The following GSE1 variants were observed in gnomAD, a reference collection of about 807,000 sequenced individuals.
GSE1 encodes Gse1 coiled-coil protein, also known as genetic suppressor element 1.
Under a neutral mutation model 112.6 loss-of-function variants are expected in GSE1, and 32 were observed. The ratio of observed to expected loss-of-function variants is 0.28; its 90% CI spans 0.21 to 0.38. The LOEUF is 0.38. GSE1 is among the 10% of genes least tolerant of loss of function. The probability of loss-of-function intolerance (pLI) is 1.00; values close to 1 mark genes in which losing one functional copy is unlikely to be tolerated. For synonymous variants in GSE1, 1,115 were observed against 735.6 expected, an observed-to-expected ratio of 1.52 and a Z score of -8.35; for missense variants, 2,348 against 1,699.2, an observed-to-expected ratio of 1.38 and a Z score of -6.71.
At chr16:85,356,718 T>G (rs12927289) in intron 1 of GSE1, among the ~76,000 whole-genome samples, 1 of 152,146 alleles carries the variant, frequency 6.6e-6, no homozygotes, top group Admixed American at 6.5e-5. Flanking sequence ...TCTGGAACTC[T>G]TAGGCTCAAG....
intron 1 of GSE1, among the ~76,000 whole-genome samples, chr16:85,192,812 A>C (rs1287650174): frequency 6.6e-6 from 1 of 152,112 alleles, no homozygotes; most frequent in East Asian, 1.9e-4. Flanking sequence ...GAAGGAGAGA[A>C]GGCGATGGGG....
intron 2 of GSE1, among the ~76,000 whole-genome samples, chr16:85,644,200 C>G (rs989085058): frequency 6.6e-6 from 1 of 152,104 alleles, no homozygotes; most frequent in Admixed American, 6.6e-5. Flanking sequence ...CTAGCCGGGC[C>G]TGGTGGCACG....
In GSE1 at chr16:85,429,603, C is replaced by A. The variant is rs532403837; in HGVS notation, c.2464+71960C>A. On this transcript the variant is annotated intron_variant, in intron 2 of 2. Transcript: ENST00000637419. ...AGCCTGGTGTGATCTGTTCCATGGCCCCCAGCATCTCCTGTCCTCACCTCC... is the reference window on the plus strand; with the variant it reads ...AGCCTGGTGTGATCTGTTCCATGGCACCCAGCATCTCCTGTCCTCACCTCC... Among the ~76,000 whole-genome samples, 3 of 152,290 alleles carry A rather than the reference C, an allele frequency of 2.0e-5. No individual in the cohort carries two copies. In the South Asian group the frequency reaches 6.2e-4, roughly 32 times the overall value.
rs930112888 is a variant in GSE1 at position 85,561,797 on chromosome 16, G to A, written c.37+5434G>A. Among the ~76,000 whole-genome samples the A allele has an allele frequency of 5.9e-5, 9 of 152,344 alleles. No individual in the cohort carries two copies. The East Asian group carries it at 7.7e-4, about 13-fold the overall frequency. On this transcript the variant is annotated intron_variant, in intron 1 of 2. Transcript: ENST00000635906. ...GCTGAGGCTTCCCCTGCTGAGAGCTGGGGTACCCAGAGTGAAGCTCGGCCT... is the reference window on the plus strand; with the variant it reads ...GCTGAGGCTTCCCCTGCTGAGAGCTAGGGTACCCAGAGTGAAGCTCGGCCT...
chr16:85,173,380 G>C (rs1412859065), intron 1 of GSE1, among the ~76,000 whole-genome samples: 1 of 152,222 alleles, frequency 6.6e-6, no homozygotes, highest in Non-Finnish European at 1.5e-5. Context: ...TGGTTGAGAA[G>C]TGGAAACATA....
chr16:85,192,964 G>C (rs1248691929), intron 1 of GSE1, among the ~76,000 whole-genome samples: 1 of 152,226 alleles, frequency 6.6e-6, no homozygotes, highest in East Asian at 1.9e-4. Flanking sequence ...CCTGGCGTCT[G>C]GCCGACTAGG....
chr16:85,341,136 A>G (rs115873948), intron 1 of GSE1, among the ~76,000 whole-genome samples: 2,972 of 152,208 alleles, frequency 0.02, 93 homozygotes, highest in African/African-American at 0.069. Context: ...CTGAAAGTCA[A>G]TTCATCACTG....
At chr16:85,475,549 G>C (rs1440242202) in intron 2 of GSE1, among the ~76,000 whole-genome samples, 1 of 152,226 alleles carries the variant, frequency 6.6e-6, no homozygotes, top group East Asian at 1.9e-4. Context: ...CACGATGCTG[G>C]CTCCAGCCTT....
chr16:85,183,294 C>T (rs574186875), intron 1 of GSE1, among the ~76,000 whole-genome samples: 20 of 152,356 alleles, frequency 1.3e-4, no homozygotes, highest in African/African-American at 4.6e-4. Flanking sequence ...TGGCAGGGCC[C>T]GTGTGCCAGC....
intron 1 of GSE1, among the ~76,000 whole-genome samples, chr16:85,282,132 A>C (rs769555610): frequency 2.0e-4 from 31 of 151,292 alleles, no homozygotes; most frequent in Non-Finnish European, 3.7e-4. Flanking sequence ...GGTTCAAGTG[A>C]TTCTCCTGCC....
chr16:85,469,360 G>A (rs2050217607), intron 2 of GSE1, among the ~76,000 whole-genome samples: 1 of 152,248 alleles, frequency 6.6e-6, no homozygotes, highest in South Asian at 2.1e-4. Context: ...TGGAGGCAGA[G>A]ATGGGAGTGG....
At chr16:85,501,185 G>A (rs527637163) in intron 2 of GSE1, among the ~76,000 whole-genome samples, 1 of 151,590 alleles carries the variant, frequency 6.6e-6, no homozygotes, top group East Asian at 2.0e-4. Context: ...TACTTTTTTA[G>A]TAGAGACGGG....
At chr16:85,652,708 A>G (rs987879994) in intron 3 of GSE1, among the ~76,000 whole-genome samples, 2 of 152,140 alleles carry the variant, frequency 1.3e-5, no homozygotes, top group African/African-American at 4.8e-5. Flanking sequence ...GGATGGGCCC[A>G]GGAAGAGGGG....
chr16:85,589,230 G>A (rs1030780003), intron 1 of GSE1, among the ~76,000 whole-genome samples: 18 of 152,224 alleles, frequency 1.2e-4, no homozygotes, highest in Non-Finnish European at 2.4e-4. Context: ...TGGGGCATGG[G>A]AGACCCAGGA....
At chr16:85,628,238 C>T (rs963354630) in intron 1 of GSE1, among the ~76,000 whole-genome samples, 5 of 152,174 alleles carry the variant, frequency 3.3e-5, no homozygotes, top group Admixed American at 3.3e-4. Context: ...CTAATGAAGC[C>T]GCTCATTTGG....
intron 1 of GSE1, among the ~76,000 whole-genome samples, chr16:85,268,374 G>A (rs941425051): frequency 1.3e-5 from 2 of 152,082 alleles, no homozygotes; most frequent in Non-Finnish European, 2.9e-5. Context: ...CTGAGTGACC[G>A]CGCCGAGCCC....
At chr16:85,177,211 G>A (rs1300396863) in intron 1 of GSE1, among the ~76,000 whole-genome samples, 3 of 152,208 alleles carry the variant, frequency 2.0e-5, no homozygotes, top group Non-Finnish European at 2.9e-5. Context: ...AGCCAGGGTC[G>A]GCAAAGCTTC....
chr16:85,322,707 C>G (rs1188466457), intron 1 of GSE1, among the ~76,000 whole-genome samples: 1 of 151,972 alleles, frequency 6.6e-6, no homozygotes, highest in African/African-American at 2.4e-5. Flanking sequence ...CCTCTACCTC[C>G]CGAGTTCAAG....
chr16:85,661,857 A>C, intron 9 of GSE1, 92 bp downstream of exon 9: 1 of 1,287,410 alleles, frequency 7.8e-7, no homozygotes, highest in East Asian at 2.6e-5. Context: ...CTCTCCGTCC[A>C]CTCCTGCTTT....
Sources: allele counts gnomAD v4.1 joint callset (sites outside exome capture counted in the v4.1 genomes callset), GRCh38; gene constraint gnomAD v4.1.1; transcripts MANE v1.5; gene names NCBI Gene and HGNC (gene_info 2026-07-23, HGNC 2026-07-21).